RNF2: variants seen among roughly 807,000 people sequenced by gnomAD.
The protein encoded by RNF2 is E3 ubiquitin-protein ligase RING2.
A neutral mutation model predicts 37.2 loss-of-function variants in RNF2; 6 were observed. That is an observed-to-expected ratio of 0.16 (90% CI 0.09 to 0.32). The LOEUF (loss-of-function observed/expected upper bound fraction) is 0.32. RNF2 is among the 10% of genes least tolerant of loss of function. RNF2 has a pLI of 1.00. For missense variants in RNF2, 251 were observed against 404.0 expected (o/e 0.62, Z 3.25); for synonymous variants, 133 against 132.7 (o/e 1.00, Z -0.02).
intron 1 of RNF2, among the ~76,000 whole-genome samples, chr1:185,077,563 T>C (rs1557968016): frequency 6.6e-6 from 1 of 152,112 alleles, no homozygotes; most frequent in Non-Finnish European, 1.5e-5. Flanking sequence ...TTCTCTGACT[T>C]AATTTTTTAA....
intron 1 of RNF2, among the ~76,000 whole-genome samples, chr1:185,082,036 C>T (rs961430720): frequency 1.3e-5 from 2 of 152,104 alleles, no homozygotes; most frequent in Non-Finnish European, 2.9e-5. Context: ...AAATAAAATC[C>T]ACTTTCGTGG....
At chr1:185,060,417 A>G (rs192521015) in intron 1 of RNF2, among the ~76,000 whole-genome samples, 256 of 152,286 alleles carry the variant, frequency 1.7e-3, no homozygotes, top group Non-Finnish European at 2.8e-3. Context: ...AGAGGTTCCT[A>G]TTATCTGAGT....
chr1:185,060,493 C>G (rs1224512553), intron 1 of RNF2, among the ~76,000 whole-genome samples: 1 of 152,110 alleles, frequency 6.6e-6, no homozygotes, highest in African/African-American at 2.4e-5. Context: ...TTCTGTTCTG[C>G]TTAGGAAATT....
intron 3 of RNF2, 55 bp from the exon 4 acceptor site, chr1:185,093,006 T>C (rs1651813260): frequency 6.6e-7 from 1 of 1,519,774 alleles, no homozygotes; most frequent in Admixed American, 1.7e-5. Flanking sequence ...TATTTTTGTC[T>C]TTAGCCCAAA....
intron 1 of RNF2, among the ~76,000 whole-genome samples, chr1:185,054,003 C>G (rs184006594): frequency 1.3e-5 from 2 of 152,260 alleles, no homozygotes; most frequent in African/African-American, 2.4e-5. Flanking sequence ...ATTCCCCCCC[C>G]ACCCAGTGTT....
At chr1:185,097,447 C>T (rs2102207617) in intron 4 of RNF2, among the ~76,000 whole-genome samples, 1 of 152,214 alleles carries the variant, frequency 6.6e-6, no homozygotes, top group East Asian at 1.9e-4. Context: ...ATATTTGAAT[C>T]ATGCCTTTCT....
intron 1 of RNF2, among the ~76,000 whole-genome samples, chr1:185,049,548 A>G (rs368160330): frequency 6.6e-5 from 10 of 152,158 alleles, no homozygotes; most frequent in Admixed American, 2.6e-4. Flanking sequence ...TGAAGCAACA[A>G]GATATCTGAG....
intron 1 of RNF2, among the ~76,000 whole-genome samples, chr1:185,054,398 G>A (rs1399755849): frequency 6.6e-6 from 1 of 152,232 alleles, no homozygotes; most frequent in East Asian, 1.9e-4. Context: ...ACGTGTCAAG[G>A]CTGGACACTG....
intron 1 of RNF2, among the ~76,000 whole-genome samples, chr1:185,070,544 A>G (rs568876224): frequency 1.3e-4 from 20 of 152,242 alleles, no homozygotes. Context: ...CAAAGAGTTG[A>G]ATGGGAACCT....
At chr1:185,083,590 G>C (rs1346937156) in intron 1 of RNF2, among the ~76,000 whole-genome samples, 1 of 151,512 alleles carries the variant, frequency 6.6e-6, no homozygotes, top group African/African-American at 2.4e-5. Context: ...TTGAGTAGCT[G>C]GGACTACAGG....
At chr1:185,050,781 C>T (rs1339786172) in intron 1 of RNF2, among the ~76,000 whole-genome samples, 1 of 152,158 alleles carries the variant, frequency 6.6e-6, no homozygotes, top group Non-Finnish European at 1.5e-5. Flanking sequence ...CTTTGGATTT[C>T]TGATCAGCTA....
At chr1:185,094,593 T>C (rs1651860973) in intron 4 of RNF2, among the ~76,000 whole-genome samples, 1 of 152,224 alleles carries the variant, frequency 6.6e-6, no homozygotes, top group South Asian at 2.1e-4. Context: ...CTGGTTTTTC[T>C]ACTTCCCATG....
rs1218093373 is a variant in RNF2, at chr1:185,100,529, C to T, written c.*228C>T. On this transcript the variant is annotated 3_prime_UTR_variant, in exon 7 of 7. Coordinates refer to ENST00000367510, the MANE Select transcript of RNF2 (RefSeq NM_007212.4). ...TTTTCTTTCCTTTAAAAAAATATAT[C>T]TGAAGTTTCTTGTGTTTTTTTTTTT... The T allele has an allele frequency of 1.5e-5, 5 of 325,166 alleles. No individual in the cohort carries two copies. Among genetic ancestry groups the T allele is most frequent in the Non-Finnish European group, 2.7e-5 (5 of 183,316 alleles). The allele number at this position is 325,166 out of a possible 1,614,324, so 20.1% of individuals were successfully genotyped here.
chr1:185,058,642 T>C (rs1553239131), intron 1 of RNF2, among the ~76,000 whole-genome samples: 1 of 152,256 alleles, frequency 6.6e-6, no homozygotes, highest in Non-Finnish European at 1.5e-5. Flanking sequence ...TTTTGCTACT[T>C]TAACTACTTA....
intron 1 of RNF2, among the ~76,000 whole-genome samples, chr1:185,079,994 G>A (rs1651297901): frequency 6.6e-6 from 1 of 152,108 alleles, no homozygotes; most frequent in African/African-American, 2.4e-5. Flanking sequence ...TAGGCCCCCA[G>A]TAGACCTAGA....
At chr1:185,049,814 A>G (rs1424360640) in intron 1 of RNF2, among the ~76,000 whole-genome samples, 1 of 152,138 alleles carries the variant, frequency 6.6e-6, no homozygotes, top group African/African-American at 2.4e-5. Flanking sequence ...GGCATGTGTT[A>G]TTGCTGGTTC....
At chr1:185,073,690 A>G (rs1255783792) in intron 1 of RNF2, among the ~76,000 whole-genome samples, 1 of 152,260 alleles carries the variant, frequency 6.6e-6, no homozygotes, top group Non-Finnish European at 1.5e-5. Context: ...GAATGCAGGT[A>G]AGACAATTAC....
chr1:185,098,522 A>G (rs577310225), intron 5 of RNF2, among the ~76,000 whole-genome samples, 178 bp downstream of exon 5: 2 of 152,234 alleles, frequency 1.3e-5, no homozygotes, highest in Non-Finnish European at 2.9e-5. Context: ...TTTCCACCCA[A>G]AATTGCACAT....
intron 1 of RNF2, among the ~76,000 whole-genome samples, chr1:185,083,845 G>A (rs979009370): frequency 8.0e-5 from 12 of 149,524 alleles, no homozygotes; most frequent in Non-Finnish European, 1.2e-4. Flanking sequence ...GGACTCAAGT[G>A]ATCTACCTGT....
Sources: allele counts gnomAD v4.1 joint callset (sites outside exome capture counted in the v4.1 genomes callset), GRCh38; gene constraint gnomAD v4.1.1; transcripts MANE v1.5; gene names NCBI Gene and HGNC (gene_info 2026-07-23, HGNC 2026-07-21).